HIBCH: variants seen among roughly 807,000 people sequenced by gnomAD.
HIBCH encodes the protein 3-hydroxyisobutyryl-CoA hydrolase, mitochondrial.
HIBCH carries 50 observed loss-of-function variants against 58.2 expected under a neutral mutation model. That is an observed-to-expected ratio of 0.86 (90% CI 0.68 to 1.09). The LOEUF (loss-of-function observed/expected upper bound fraction) is 1.09, where lower values mean the gene tolerates loss of function less well. Among genes scored for constraint, HIBCH ranks in the 50% least tolerant of loss-of-function variants. HIBCH has a pLI of 0.00. For synonymous variants in HIBCH, 151 were observed against 146.9 expected, an observed-to-expected ratio of 1.03 and a Z score of -0.20; for missense variants, 450 against 449.7, an observed-to-expected ratio of 1.00 and a Z score of -0.01.
intron 6 of HIBCH, 125 bp downstream of exon 6, chr2:190,287,461 C>A: frequency 1.4e-6 from 1 of 720,912 alleles, no homozygotes; most frequent in Non-Finnish European, 2.4e-6. Context: ...GATCCAAAAT[C>A]CACACAATTA....
chr2:190,244,896 C>T lies in HIBCH; in HGVS notation c.882G>A (p.Glu294=), dbSNP rs1057523698. 2 of 1,606,944 alleles carry T rather than the reference C, an allele frequency of 1.2e-6. No individual in the cohort carries two copies. The highest frequency in any genetic ancestry group is 1.7e-5 in the Admixed American group (1 of 59,994). The part of the protein sequence containing the change: ...LQQDGSSFAL[E]QLKVINKMSP... ...AGGATTCCAATATTACCTTCAATTGCTCTAGGGCAAAAGATGAACCATCTT... is the reference window on the plus strand; with the variant it reads ...AGGATTCCAATATTACCTTCAATTGTTCTAGGGCAAAAGATGAACCATCTT... Residue 294 remains glutamate, a synonymous_variant, in exon 11 of 14, where the codon GAG becomes GAA. Transcript: ENST00000359678.
intron 1 of HIBCH, among the ~76,000 whole-genome samples, chr2:190,196,970 G>C (rs1414731408): frequency 6.6e-6 from 1 of 152,112 alleles, no homozygotes; most frequent in African/African-American, 2.4e-5. Flanking sequence ...AGGCTGGGAA[G>C]TCCAAGTTTA....
At chr2:190,263,559 C>T (rs540812654) in intron 6 of HIBCH, among the ~76,000 whole-genome samples, 15 of 152,276 alleles carry the variant, frequency 9.9e-5, no homozygotes, top group African/African-American at 3.6e-4. Flanking sequence ...TCTCTTCCAG[C>T]CCTAGGATTT....
At position 190,254,635 on chromosome 2, in the gene HIBCH, C is replaced by T. The variant is rs1455517906; in HGVS notation, c.518-2328G>A. Among the ~76,000 whole-genome samples the T allele has an allele frequency of 1.3e-5, 2 of 152,238 alleles. No individual in the cohort carries two copies. Among genetic ancestry groups the T allele is most frequent in the African/African-American group, 2.4e-5 (1 of 41,462 alleles). On this transcript the variant is annotated intron_variant, in intron 7 of 13. Transcript: ENST00000359678. The surrounding 1 kb of genome is among the most constrained non-coding windows in gnomAD (Gnocchi z 5.0). ...GAACTACTGATTCACAAACCTCCAACTACACTGCTCCTTCCCTCATCAGCC... is the reference window on the plus strand; with the variant it reads ...GAACTACTGATTCACAAACCTCCAATTACACTGCTCCTTCCCTCATCAGCC...
At chr2:190,233,264 C>T (rs1326860277) in intron 11 of HIBCH, among the ~76,000 whole-genome samples, 2 of 152,132 alleles carry the variant, frequency 1.3e-5, no homozygotes, top group Non-Finnish European at 2.9e-5. Flanking sequence ...TCATATGACA[C>T]CACTGAGAGA....
intron 6 of HIBCH, among the ~76,000 whole-genome samples, chr2:190,282,841 G>C (rs1220153189): frequency 1.5e-5 from 1 of 68,550 alleles, no homozygotes; most frequent in Non-Finnish European, 3.2e-5. Context: ...TTACGAGAAG[G>C]CCAAAAAAAA....
chr2:190,224,301 C>G (rs1013624207), intron 11 of HIBCH, among the ~76,000 whole-genome samples: 2 of 152,138 alleles, frequency 1.3e-5, no homozygotes, highest in African/African-American at 4.8e-5. Flanking sequence ...GGACGCCTGC[C>G]TGCCTCTGTA....
intron 6 of HIBCH, among the ~76,000 whole-genome samples, chr2:190,285,870 CAG>C (rs1490223993): frequency 6.6e-6 from 1 of 152,060 alleles, no homozygotes; most frequent in African/African-American, 2.4e-5. Flanking sequence ...TTTTTTGAGA[CAG>C]AGTCTCACTC....
chr2:190,226,720 T>C (rs1459481049), intron 11 of HIBCH, among the ~76,000 whole-genome samples: 1 of 151,776 alleles, frequency 6.6e-6, no homozygotes, highest in Non-Finnish European at 1.5e-5. Context: ...GATAAGCAAC[T>C]TCAGCAAAGT....
In HIBCH at chr2:190,281,888, T is replaced by G. The variant is rs1687714209; in HGVS notation, c.438+5698A>C. Reference sequence around the variant, plus strand: ...CAGACATGGACACATCCAGCCAGGTTCTTTGTCACTTTATTACAAGGATGC... The same window carrying G: ...CAGACATGGACACATCCAGCCAGGTGCTTTGTCACTTTATTACAAGGATGC... On this transcript the variant is annotated intron_variant, in intron 6 of 13. Coordinates refer to ENST00000359678, the MANE Select transcript of HIBCH (RefSeq NM_014362.4). The surrounding 1 kb of genome is among the most constrained non-coding windows in gnomAD (Gnocchi z 5.4). Among the ~76,000 whole-genome samples, 1 of 152,214 alleles carries G rather than the reference T, an allele frequency of 6.6e-6. No homozygotes were observed. Among genetic ancestry groups the G allele is most frequent in the Non-Finnish European group, 1.5e-5 (1 of 68,038 alleles).
chr2:190,259,879 G>A (rs1348508243), intron 7 of HIBCH, among the ~76,000 whole-genome samples: 1 of 152,068 alleles, frequency 6.6e-6, no homozygotes, highest in African/African-American at 2.4e-5. Flanking sequence ...TTTCAATACA[G>A]CATTGAACAG....
intron 6 of HIBCH, among the ~76,000 whole-genome samples, chr2:190,263,921 C>G (rs1687161686): frequency 6.6e-6 from 1 of 151,700 alleles, no homozygotes; most frequent in South Asian, 2.1e-4. Flanking sequence ...ATGAACTATC[C>G]TGAGAGCTCT....
intron 1 of HIBCH, among the ~76,000 whole-genome samples, chr2:190,313,000 G>A (rs369684498): frequency 1.3e-5 from 2 of 152,250 alleles, no homozygotes; most frequent in Admixed American, 1.3e-4. Context: ...TCAGGAGGCT[G>A]AGGCAGGAGA....
intron 11 of HIBCH, among the ~76,000 whole-genome samples, chr2:190,225,486 A>G (rs536260586): frequency 2.0e-5 from 3 of 152,362 alleles, no homozygotes; most frequent in East Asian, 3.9e-4. Flanking sequence ...AGAATACTAT[A>G]AACACCTCTA....
rs34508159 is a variant in HIBCH, at chr2:190,304,252, TAAAA to T, written c.78+6498_78+6501del. On this transcript the variant is annotated intron_variant, in intron 2 of 13. Transcript: ENST00000359678. The surrounding 1 kb of genome is among the most constrained non-coding windows in gnomAD (Gnocchi z 4.1). ...GAATACCTGAAACTGTGTAATTTGTTAAAAAAAAAAAAAAAAAGGAATTTATTCT... is the reference window on the plus strand; with the variant it reads ...GAATACCTGAAACTGTGTAATTTGTTAAAAAAAAAAAAAGGAATTTATTCT... 1.5e-4 allele frequency among the ~76,000 whole-genome samples: 22 copies of T among 145,460 alleles called. No homozygotes were observed. Among genetic ancestry groups the T allele is most frequent in the Non-Finnish European group, 9.0e-5 (6 of 66,474 alleles).
At chr2:190,261,357 G>C (rs1469739081) in intron 6 of HIBCH, 123 bp from the exon 7 acceptor site, 1 of 715,822 alleles carries the variant, frequency 1.4e-6, no homozygotes, top group Non-Finnish European at 2.5e-6. Flanking sequence ...ACAGGAACTT[G>C]CTTCAGGGAA....
At chr2:190,270,487 G>C (rs1332860292) in intron 6 of HIBCH, among the ~76,000 whole-genome samples, 1 of 152,124 alleles carries the variant, frequency 6.6e-6, no homozygotes, top group Non-Finnish European at 1.5e-5. Context: ...GGGGTGATGT[G>C]ACTGATGTTT....
At chr2:190,196,012 T>C (rs1259425929) in intron 1 of HIBCH, among the ~76,000 whole-genome samples, 1 of 149,800 alleles carries the variant, frequency 6.7e-6, no homozygotes, top group Non-Finnish European at 1.5e-5. Flanking sequence ...AGACTATGTA[T>C]GTGTGGTTTG....
chr2:190,302,906 C>G (rs1688303974), intron 2 of HIBCH, among the ~76,000 whole-genome samples: 1 of 152,220 alleles, frequency 6.6e-6, no homozygotes, highest in Admixed American at 6.5e-5. Flanking sequence ...GATAAAGGAA[C>G]TGTACATCAA....
Sources: allele counts gnomAD v4.1 joint callset (sites outside exome capture counted in the v4.1 genomes callset), GRCh38; gene constraint gnomAD v4.1.1; non-coding constraint Gnocchi (gnomAD v3.1); transcripts MANE v1.5; gene names NCBI Gene and HGNC (gene_info 2026-07-23, HGNC 2026-07-21).